Variants in MCTP1 observed in about 807,000 individuals in gnomAD.
The protein encoded by MCTP1 is multiple C2 and transmembrane domain containing 1, also known as multiple C2 and transmembrane domain-containing protein 1.
A neutral mutation model predicts 120.6 loss-of-function variants in MCTP1; 69 were observed. The observed-to-expected ratio is 0.57, with a 90% CI of 0.47 to 0.70. The LOEUF (loss-of-function observed/expected upper bound fraction) is 0.70. MCTP1 is among the 30% of genes least tolerant of loss of function. The pLI, the probability that MCTP1 is intolerant of heterozygous loss-of-function variation, is 0.00. For synonymous variants in MCTP1, 529 were observed against 493.1 expected (o/e 1.07, Z -0.96); for missense variants, 1,203 against 1,248.8 (o/e 0.96, Z 0.55).
chr5:95,176,412 C>T (rs932789857), intron 1 of MCTP1, among the ~76,000 whole-genome samples: 1 of 152,042 alleles, frequency 6.6e-6, no homozygotes, highest in Admixed American at 6.5e-5. Context: ...GTAATCCCAG[C>T]TACTGAGGAG....
At chr5:94,888,366 T>G (rs1446084410) in intron 12 of MCTP1, among the ~76,000 whole-genome samples, 1 of 152,208 alleles carries the variant, frequency 6.6e-6, no homozygotes, top group East Asian at 1.9e-4. Flanking sequence ...ATCTAGAGAC[T>G]TAGTTTAGAT....
chr5:94,964,286 T>C (rs1003795333), intron 2 of MCTP1, among the ~76,000 whole-genome samples: 8 of 152,190 alleles, frequency 5.3e-5, no homozygotes, highest in Non-Finnish European at 1.2e-4. Flanking sequence ...TAACATATGA[T>C]CTAACTGGAG....
intron 1 of MCTP1, among the ~76,000 whole-genome samples, chr5:95,084,349 C>T (rs1293470044): frequency 6.6e-6 from 1 of 152,062 alleles, no homozygotes; most frequent in Non-Finnish European, 1.5e-5. Flanking sequence ...AATGATGATG[C>T]TCTTTTCTGT....
chr5:95,236,817 A>G (rs1172663659), intron 1 of MCTP1, among the ~76,000 whole-genome samples: 1 of 152,190 alleles, frequency 6.6e-6, no homozygotes, highest in Non-Finnish European at 1.5e-5. Flanking sequence ...CCATAGAGGG[A>G]GATTTCACTG....
intron 2 of MCTP1, among the ~76,000 whole-genome samples, chr5:94,975,144 G>C (rs1827823178): frequency 6.6e-6 from 1 of 152,090 alleles, no homozygotes; most frequent in Admixed American, 6.6e-5. Flanking sequence ...ACTGAAAGAA[G>C]ACTGGCCATG....
chr5:94,806,664 T>C (rs1782377386), intron 17 of MCTP1, among the ~76,000 whole-genome samples: 1 of 152,252 alleles, frequency 6.6e-6, no homozygotes, highest in Non-Finnish European at 1.5e-5. Context: ...AGTTGGAATA[T>C]TGAATATCCT....
intron 2 of MCTP1, among the ~76,000 whole-genome samples, chr5:95,011,425 C>T (rs999910036): frequency 1.3e-5 from 2 of 151,984 alleles, no homozygotes; most frequent in Non-Finnish European, 2.9e-5. Flanking sequence ...CCATCATTAC[C>T]ATTGATATGG....
rs67189314 is a variant in MCTP1 at position 94,954,183 on chromosome 5, C to CATATATATATATAT, written c.839-836_839-823dup. 6.3e-3 allele frequency among the ~76,000 whole-genome samples: 365 copies of CATATATATATATAT among 57,762 alleles called. 53 individuals carry two copies. Among genetic ancestry groups the CATATATATATATAT allele is most frequent in the Non-Finnish European group, 8.8e-3 (271 of 30,848 alleles). 37.9% of individuals were successfully genotyped at this position (57,762 alleles called of 152,430 possible). On this transcript the variant is annotated intron_variant, in intron 2 of 22. Coordinates refer to ENST00000515393, the MANE Select transcript of MCTP1 (RefSeq NM_024717.7). The stretch of plus-strand genomic sequence containing the variant: ...GCATATATATACATATATATATATG[C>CATATATATATATAT]ATATATATATATATATATATATGCC...
intron 19 of MCTP1, among the ~76,000 whole-genome samples, chr5:94,749,975 C>T (rs917577387): frequency 3.3e-5 from 5 of 152,118 alleles, no homozygotes; most frequent in African/African-American, 7.2e-5. Context: ...CTCCAGAGCC[C>T]GAAAAACTAT....
chr5:95,216,368 T>C (rs1753034251), intron 1 of MCTP1, among the ~76,000 whole-genome samples: 2 of 152,206 alleles, frequency 1.3e-5, no homozygotes, highest in South Asian at 2.1e-4. Flanking sequence ...AAACTACAGC[T>C]GGAAAAGTCA....
At chr5:95,232,814 T>C (rs1755114067) in intron 1 of MCTP1, among the ~76,000 whole-genome samples, 1 of 152,176 alleles carries the variant, frequency 6.6e-6, no homozygotes, top group African/African-American at 2.4e-5. Flanking sequence ...GAAGTGCCTA[T>C]ATTAATATTA....
chr5:94,814,297 C>T (rs1018403865), intron 17 of MCTP1, among the ~76,000 whole-genome samples: 2 of 152,030 alleles, frequency 1.3e-5, no homozygotes, highest in Admixed American at 1.3e-4. Context: ...ATACAAATAA[C>T]TGAGAGAAAC....
chr5:94,954,113 A>AATGTATATACAAATATATATATGC (rs1821722342), intron 2 of MCTP1, among the ~76,000 whole-genome samples: 1 of 50,610 alleles, frequency 2.0e-5, no homozygotes, highest in Non-Finnish European at 3.4e-5. Flanking sequence ...CATATATATG[A>AATGTATATACAAATATATATATGC]ATATATATAC....
intron 1 of MCTP1, among the ~76,000 whole-genome samples, chr5:95,172,811 G>C (rs570319313): frequency 1.2e-4 from 19 of 152,140 alleles, no homozygotes; most frequent in Admixed American, 2.6e-4. Context: ...ATTGCTTATG[G>C]TAGGGGCAGT....
chr5:95,190,749 A>G (rs1049766215), intron 1 of MCTP1, among the ~76,000 whole-genome samples: 1 of 152,130 alleles, frequency 6.6e-6, no homozygotes, highest in Non-Finnish European at 1.5e-5. Flanking sequence ...TATATTCCAC[A>G]CATTATATAA....
At chr5:95,041,778 A>T (rs1562063848) in intron 1 of MCTP1, among the ~76,000 whole-genome samples, 1 of 152,208 alleles carries the variant, frequency 6.6e-6, no homozygotes. Flanking sequence ...CCATCCCAGA[A>T]GTTGTAGGAA....
intron 17 of MCTP1, among the ~76,000 whole-genome samples, chr5:94,815,748 C>T (rs960715133): frequency 2.0e-5 from 3 of 152,252 alleles, no homozygotes; most frequent in African/African-American, 7.2e-5. Context: ...AGGAGGCATA[C>T]AATAGTGTAC....
At chr5:94,884,492 G>A (rs1800803116) in intron 12 of MCTP1, among the ~76,000 whole-genome samples, 1 of 152,098 alleles carries the variant, frequency 6.6e-6, no homozygotes, top group Non-Finnish European at 1.5e-5. Flanking sequence ...CATCCTGGAA[G>A]TGTGAAATCA....
intron 1 of MCTP1, among the ~76,000 whole-genome samples, chr5:95,105,074 A>G (rs1756991414): frequency 6.6e-6 from 1 of 152,090 alleles, no homozygotes; most frequent in African/African-American, 2.4e-5. Flanking sequence ...AACAATCCAT[A>G]GCATGCTGTA....
Sources: gnomAD v4.1 joint callset for allele counts (sites outside exome capture counted in the v4.1 genomes callset) on GRCh38, gnomAD v4.1.1 for gene constraint, MANE v1.5 for transcripts, NCBI Gene and HGNC (gene_info 2026-07-23, HGNC 2026-07-21) for gene names.